MTHFD2L: variants seen among roughly 807,000 people sequenced by gnomAD.
The protein encoded by MTHFD2L is bifunctional methylenetetrahydrofolate dehydrogenase/cyclohydrolase 2, mitochondrial.
In MTHFD2L, 29 loss-of-function variants were observed where a neutral mutation model predicts 34.9. The observed-to-expected ratio is 0.83, with a 90% CI of 0.62 to 1.13. The LOEUF (loss-of-function observed/expected upper bound fraction) is 1.13. MTHFD2L is among the 50% of genes most tolerant of loss of function. MTHFD2L has a pLI of 0.00. For synonymous variants in MTHFD2L, 167 were observed against 155.7 expected (o/e 1.07, Z -0.54); for missense variants, 481 against 446.5 (o/e 1.08, Z -0.70).
intron 6 of MTHFD2L, among the ~76,000 whole-genome samples, chr4:74,268,775 C>T (rs555971480): frequency 2.6e-5 from 4 of 152,076 alleles, no homozygotes; most frequent in Admixed American, 1.3e-4. Flanking sequence ...TATCCAGTTG[C>T]GGCTGTAATT....
intron 7 of MTHFD2L, among the ~76,000 whole-genome samples, chr4:74,291,043 A>T (rs1748887772): frequency 9.5e-5 from 3 of 31,564 alleles, no homozygotes; most frequent in Admixed American, 6.2e-4. Flanking sequence ...TTTGAGATGG[A>T]GTCTTGCTCT....
At chr4:74,263,493 C>G (rs1398980592) in intron 6 of MTHFD2L, among the ~76,000 whole-genome samples, 1 of 151,794 alleles carries the variant, frequency 6.6e-6, no homozygotes, top group Non-Finnish European at 1.5e-5. Context: ...TGTGTCATCT[C>G]TGATTTCTTT....
intron 1 of MTHFD2L, chr4:74,160,011 C>T (rs1264153366): frequency 6.4e-6 from 8 of 1,242,410 alleles, no homozygotes; most frequent in Non-Finnish European, 3.1e-6. Flanking sequence ...GGGAGGAATT[C>T]GGACAGTGTG....
chr4:74,234,825 G>A (rs988520454), intron 6 of MTHFD2L, among the ~76,000 whole-genome samples: 27 of 150,852 alleles, frequency 1.8e-4, no homozygotes, highest in East Asian at 3.9e-4. Flanking sequence ...GTGTGTTTAC[G>A]TGTGTAAGAG....
chr4:74,115,250 G>A (rs1406627733), intron 2 of MTHFD2L, among the ~76,000 whole-genome samples: 1 of 152,180 alleles, frequency 6.6e-6, no homozygotes, highest in East Asian at 1.9e-4. Flanking sequence ...TCCATTAGTG[G>A]ATTTGAGATT....
chr4:74,143,831 G>A (rs371931638), intron 1 of MTHFD2L, among the ~76,000 whole-genome samples: 1 of 152,072 alleles, frequency 6.6e-6, no homozygotes. Context: ...AAAGAGAAAA[G>A]CATTATGTTC....
chr4:74,140,986 T>A (rs1262329762), intron 1 of MTHFD2L, among the ~76,000 whole-genome samples: 2 of 152,208 alleles, frequency 1.3e-5, no homozygotes, highest in African/African-American at 2.4e-5. Context: ...TGTGGGTTTT[T>A]AAATTTATAT....
At chr4:74,230,256 G>T (rs1328709714) in intron 6 of MTHFD2L, among the ~76,000 whole-genome samples, 2 of 152,114 alleles carry the variant, frequency 1.3e-5, no homozygotes, top group Admixed American at 1.3e-4. Flanking sequence ...TTAAGTGTAT[G>T]AATGGAGTGA....
At chr4:74,258,655 C>G (rs1206039140) in intron 6 of MTHFD2L, among the ~76,000 whole-genome samples, 1 of 151,982 alleles carries the variant, frequency 6.6e-6, no homozygotes, top group Non-Finnish European at 1.5e-5. Flanking sequence ...TATACACACA[C>G]ATAAAATTTA....
intron 6 of MTHFD2L, among the ~76,000 whole-genome samples, chr4:74,234,894 T>C (rs1392220089): frequency 2.0e-5 from 3 of 151,842 alleles, no homozygotes; most frequent in Non-Finnish European, 2.9e-5. Flanking sequence ...GAGGAAGTAA[T>C]AGCTCTTTTC....
chr4:74,144,442 G>A (rs938316566), intron 1 of MTHFD2L, among the ~76,000 whole-genome samples: 11 of 152,094 alleles, frequency 7.2e-5, no homozygotes, highest in African/African-American at 2.7e-4. Context: ...GACAAGGTGA[G>A]ACTGTCTCAA....
intron 3 of MTHFD2L, chr4:74,180,675 G>T (rs1467954905): frequency 4.4e-6 from 2 of 453,676 alleles, no homozygotes; most frequent in East Asian, 7.0e-5. Context: ...GCTAAGCCTT[G>T]TTTATGTTCA....
intron 7 of MTHFD2L, among the ~76,000 whole-genome samples, chr4:74,301,383 T>A (rs1578771218): frequency 6.6e-6 from 1 of 152,178 alleles, no homozygotes; most frequent in East Asian, 1.9e-4. Context: ...ATTAGTTAAC[T>A]AGAATTACAG....
At chr4:74,190,016 G>A (rs1173993058) in intron 3 of MTHFD2L, among the ~76,000 whole-genome samples, 1 of 152,056 alleles carries the variant, frequency 6.6e-6, no homozygotes, top group African/African-American at 2.4e-5. Context: ...CCGGGGAAAA[G>A]GTACCTTTTA....
At chr4:74,159,905 G>A (rs974985629) in intron 1 of MTHFD2L, 1 of 226,246 alleles carries the variant, frequency 4.4e-6, no homozygotes, top group Non-Finnish European at 8.7e-6. Context: ...AAGATAAGGC[G>A]GGGGTTTTGA....
chr4:74,213,236 A>G (rs1290771464), intron 5 of MTHFD2L, among the ~76,000 whole-genome samples: 2 of 152,156 alleles, frequency 1.3e-5, no homozygotes, highest in East Asian at 1.9e-4. Context: ...TGATCCTGTC[A>G]TTATGATGCT....
chr4:74,184,919 A>T (rs1057482067), intron 3 of MTHFD2L, among the ~76,000 whole-genome samples: 1 of 151,956 alleles, frequency 6.6e-6, no homozygotes, highest in South Asian at 2.1e-4. Flanking sequence ...GGAGGCCAAG[A>T]TGGGCAGATC....
chr4:74,164,965 A>G (rs1317501260), intron 1 of MTHFD2L: 15 of 985,200 alleles, frequency 1.5e-5, no homozygotes, highest in Non-Finnish European at 1.8e-5. Context: ...AAGTAATGAC[A>G]GGGCACATCA....
intron 6 of MTHFD2L, among the ~76,000 whole-genome samples, chr4:74,251,946 C>T (rs941837671): frequency 1.9e-4 from 29 of 152,138 alleles, no homozygotes; most frequent in African/African-American, 4.6e-4. Flanking sequence ...CAAATGAGTT[C>T]GGAACACCCT....
Sources: gnomAD v4.1 joint callset for allele counts (sites outside exome capture counted in the v4.1 genomes callset) on GRCh38, gnomAD v4.1.1 for gene constraint, MANE v1.5 for transcripts, NCBI Gene and HGNC (gene_info 2026-07-23, HGNC 2026-07-21) for gene names.